Variants in ANO10 observed in about 807,000 individuals in gnomAD.
ANO10 encodes anoctamin 10.
A neutral mutation model predicts 74.7 loss-of-function variants in ANO10; 77 were observed. That is an observed-to-expected ratio of 1.03 (90% CI 0.86 to 1.25). ANO10 has a LOEUF of 1.25. Among genes scored for constraint, ANO10 ranks in the 50% most tolerant of loss-of-function variants. The probability of loss-of-function intolerance (pLI) is 0.00; values close to 1 mark genes in which losing one functional copy is unlikely to be tolerated. For synonymous variants in ANO10, 279 were observed against 284.9 expected (o/e 0.98, Z 0.21); for missense variants, 721 against 778.1 (o/e 0.93, Z 0.87).
In ANO10 at chr3:43,375,045, C is replaced by T. The variant is rs535834591; in HGVS notation, c.1915-8071G>A. ...CTGAGGCAGGAGAACCACATGAACC[C>T]GGGAGGCGGAGGGTGCAGTGAGCCG... On this transcript the variant is annotated intron_variant, in intron 12 of 12. Coordinates refer to ENST00000292246, the MANE Select transcript of ANO10 (RefSeq NM_018075.5). Among the ~76,000 whole-genome samples, 79 of 151,932 alleles carry T rather than the reference C, an allele frequency of 5.2e-4. 1 individual carries two copies. In the South Asian group the frequency reaches 0.015, roughly 28 times the overall value.
chr3:43,640,179 A>T (rs2083657365), intron 1 of ANO10, among the ~76,000 whole-genome samples: 1 of 152,226 alleles, frequency 6.6e-6, no homozygotes, highest in Non-Finnish European at 1.5e-5. Context: ...TCAATTTCAC[A>T]AGACCTCTCA....
At chr3:43,423,758 A>G (rs2092855698) in intron 12 of ANO10, among the ~76,000 whole-genome samples, 1 of 152,202 alleles carries the variant, frequency 6.6e-6, no homozygotes, top group Non-Finnish European at 1.5e-5. Context: ...AATTACCTGC[A>G]AATGGCTAAC....
chr3:43,467,120 T>C (rs1416084637), intron 11 of ANO10, among the ~76,000 whole-genome samples: 3 of 152,228 alleles, frequency 2.0e-5, no homozygotes, highest in Non-Finnish European at 2.9e-5. Context: ...TTAGAACAAC[T>C]GGAACTCTCA....
At chr3:43,579,953 G>C (rs1044222147) in intron 5 of ANO10, among the ~76,000 whole-genome samples, 2 of 151,936 alleles carry the variant, frequency 1.3e-5, no homozygotes, top group African/African-American at 4.8e-5. Context: ...ATGAGTTCAA[G>C]ATCAGCCTGA....
intron 1 of ANO10, among the ~76,000 whole-genome samples, chr3:43,620,578 G>A (rs2083339230): frequency 6.6e-6 from 1 of 152,144 alleles, no homozygotes; most frequent in African/African-American, 2.4e-5. Flanking sequence ...AGGAGTTCAA[G>A]ACCAGCCTGG....
intron 10 of ANO10, chr3:43,551,505 G>A (rs1443826836): frequency 2.2e-6 from 1 of 456,940 alleles, no homozygotes; most frequent in Admixed American, 2.3e-5. Context: ...ACAAGACACA[G>A]GACATTTCCA....
In ANO10 at chr3:43,574,935, T is replaced by C. The variant is rs79176580; in HGVS notation, c.1163-71A>G. The stretch of plus-strand genomic sequence containing the variant: ...ACGAAAGCACTGTTATGAGGTAAAG[T>C]GAGTTGCATTGAGGGCGGAGATGTC... On this transcript the variant is annotated intron_variant, in intron 6 of 12. Coordinates refer to ENST00000292246, the MANE Select transcript of ANO10 (RefSeq NM_018075.5). The C allele has an allele frequency of 3.9e-4, 488 of 1,252,618 alleles. No individual in the cohort carries two copies. The African/African-American group carries it at 6.2e-3, about 16-fold the overall frequency. 77.6% of individuals were successfully genotyped at this position (1,252,618 alleles called of 1,614,324 possible).
chr3:43,366,790 G>T lies in ANO10; in HGVS notation c.*116C>A. 1 of 1,076,460 alleles carries T rather than the reference G, an allele frequency of 9.3e-7. No homozygotes were observed. Among genetic ancestry groups the T allele is most frequent in the Non-Finnish European group, 1.4e-6 (1 of 720,094 alleles). 66.7% of individuals were successfully genotyped at this position (1,076,460 alleles called of 1,614,324 possible). On this transcript the variant is annotated 3_prime_UTR_variant, in exon 13 of 13. Transcript: ENST00000292246. ...CATGGGAGCCACTTCGTTTGGCTAAGCATTGGGTCTGGGTTCAGGAGCCAC... is the reference window on the plus strand; with the variant it reads ...CATGGGAGCCACTTCGTTTGGCTAATCATTGGGTCTGGGTTCAGGAGCCAC...
chr3:43,520,851 A>G (rs2077922846), intron 11 of ANO10, among the ~76,000 whole-genome samples: 1 of 152,186 alleles, frequency 6.6e-6, no homozygotes, highest in African/African-American at 2.4e-5. Flanking sequence ...TTGGATCTAT[A>G]GATCAATTGG....
intron 1 of ANO10, among the ~76,000 whole-genome samples, chr3:43,648,821 C>T (rs763524966): frequency 2.0e-5 from 3 of 151,962 alleles, no homozygotes; most frequent in East Asian, 1.9e-4. Context: ...GAACTATAGG[C>T]GCCCACCACC....
At chr3:43,551,951 C>T (rs775990457) in intron 10 of ANO10, among the ~76,000 whole-genome samples, 2 of 152,118 alleles carry the variant, frequency 1.3e-5, no homozygotes, top group African/African-American at 2.4e-5. Flanking sequence ...TTAGGATGTA[C>T]GGCTGGTCAT....
chr3:43,499,810 G>A (rs1192992497), intron 11 of ANO10, among the ~76,000 whole-genome samples: 1 of 151,392 alleles, frequency 6.6e-6, no homozygotes, highest in Non-Finnish European at 1.5e-5. Flanking sequence ...CAAAATATAG[G>A]CTTGTTAATG....
At chr3:43,681,951 G>C (rs1449569084) in intron 1 of ANO10, among the ~76,000 whole-genome samples, 1 of 152,136 alleles carries the variant, frequency 6.6e-6, no homozygotes, top group Non-Finnish European at 1.5e-5. Context: ...GAAATTTATA[G>C]CACTAAATGC....
Position 43,577,966 on chromosome 3 carries a change from G to A in ANO10, c.593-705C>T, listed in dbSNP as rs568298962. Reference sequence around the variant, plus strand: ...AGGGGTCACCAACACTGCATCCTTTGCCAGCCTCATCCACATGGGGAGTGC... The same window carrying A: ...AGGGGTCACCAACACTGCATCCTTTACCAGCCTCATCCACATGGGGAGTGC... On this transcript the variant is annotated intron_variant, in intron 5 of 12. Coordinates refer to ENST00000292246, the MANE Select transcript of ANO10 (RefSeq NM_018075.5). 6.8e-4 allele frequency among the ~76,000 whole-genome samples: 104 copies of A among 152,250 alleles called. 1 individual carries two copies. Among genetic ancestry groups the A allele is most frequent in the African/African-American group, 2.4e-3 (98 of 41,544 alleles).
chr3:43,489,917 A>T (rs753080928), intron 11 of ANO10, among the ~76,000 whole-genome samples: 7 of 152,202 alleles, frequency 4.6e-5, no homozygotes, highest in Non-Finnish European at 7.3e-5. Flanking sequence ...AAACATTTAC[A>T]AATAAAAATC....
intron 11 of ANO10, among the ~76,000 whole-genome samples, chr3:43,446,538 C>G (rs1242892855): frequency 2.0e-5 from 3 of 151,998 alleles, no homozygotes; most frequent in Non-Finnish European, 4.4e-5. Flanking sequence ...GAAGAAAATA[C>G]TGGTTTATGG....
chr3:43,678,542 G>A (rs538028404), intron 1 of ANO10, among the ~76,000 whole-genome samples: 65 of 152,260 alleles, frequency 4.3e-4, no homozygotes, highest in Non-Finnish European at 7.5e-4. Flanking sequence ...TCTGATTACC[G>A]GTGCATGCAG....
intron 2 of ANO10, among the ~76,000 whole-genome samples, chr3:43,602,855 A>T (rs541254302): frequency 9.2e-5 from 14 of 152,162 alleles, no homozygotes; most frequent in African/African-American, 3.4e-4. Flanking sequence ...AATTGTTCAG[A>T]TGACTCCTTT....
intron 11 of ANO10, among the ~76,000 whole-genome samples, chr3:43,451,616 G>T (rs1184061452): frequency 4.7e-5 from 7 of 147,644 alleles, no homozygotes; most frequent in Admixed American, 4.0e-4. Flanking sequence ...GGTTAGGGAT[G>T]AAGGGTGGGG....
Sources: allele counts gnomAD v4.1 joint callset (sites outside exome capture counted in the v4.1 genomes callset), GRCh38; gene constraint gnomAD v4.1.1; transcripts MANE v1.5; gene names NCBI Gene and HGNC (gene_info 2026-07-23, HGNC 2026-07-21).